FAM184A: variants seen among roughly 807,000 people sequenced by gnomAD.
The protein encoded by FAM184A is family with sequence similarity 184 member A.
A neutral mutation model predicts 143.8 loss-of-function variants in FAM184A; 99 were observed. The observed-to-expected ratio is 0.69, with a 90% CI of 0.58 to 0.81. The LOEUF (loss-of-function observed/expected upper bound fraction) is 0.81, where lower values mean the gene tolerates loss of function less well. FAM184A is among the 40% of genes least tolerant of loss of function. The pLI is 0.00. For synonymous variants in FAM184A, 427 were observed against 446.4 expected, an observed-to-expected ratio of 0.96 and a Z score of 0.55; for missense variants, 1,217 against 1,310.5, an observed-to-expected ratio of 0.93 and a Z score of 1.10.
At chr6:119,084,197 T>A (rs776070733) in intron 1 of FAM184A, among the ~76,000 whole-genome samples, 1 of 152,126 alleles carries the variant, frequency 6.6e-6, no homozygotes, top group Admixed American at 6.5e-5. Context: ...GTCCCCATGA[T>A]TCAATCACCT....
chr6:119,023,854 G>T, intron 2 of FAM184A, 105 bp downstream of exon 2: 22 of 753,220 alleles, frequency 2.9e-5, no homozygotes, highest in Non-Finnish European at 4.2e-5. Context: ...TCTAAGTGGT[G>T]TGAAGCCACT....
chr6:118,993,276 A>G (rs1784435182), intron 9 of FAM184A, among the ~76,000 whole-genome samples: 1 of 152,210 alleles, frequency 6.6e-6, no homozygotes, highest in Non-Finnish European at 1.5e-5. Context: ...GAATTCTATT[A>G]TTGAAGGATA....
intron 17 of FAM184A, among the ~76,000 whole-genome samples, chr6:118,961,492 T>A (rs1013867863): frequency 2.0e-5 from 3 of 151,872 alleles, no homozygotes; most frequent in African/African-American, 7.2e-5. Flanking sequence ...ATAAAGTAAT[T>A]GTGCATAATA....
intron 11 of FAM184A, among the ~76,000 whole-genome samples, 176 bp from the exon 12 acceptor site, chr6:118,976,220 C>T (rs6915914): frequency 0.18 from 27,096 of 152,078 alleles, 2,466 homozygotes; most frequent in South Asian, 0.21. Flanking sequence ...AATATACTAT[C>T]ATGAATTTAA....
Position 119,006,933 on chromosome 6 carries a change from T to C in FAM184A, c.1654-325A>G, listed in dbSNP as rs545829955. Among the ~76,000 whole-genome samples, 50 of 152,006 alleles carry C rather than the reference T, an allele frequency of 3.3e-4. No homozygotes were observed. In the Middle Eastern group the frequency reaches 0.01, roughly 31 times the overall value. ...GCAAGATAAAGATTATATAAAAGAG[T>C]AAAACAAAATTTTAGATAAAAATAT... On this transcript the variant is annotated intron_variant, in intron 6 of 17. Coordinates refer to ENST00000338891, the MANE Select transcript of FAM184A (RefSeq NM_024581.6).
intron 1 of FAM184A, among the ~76,000 whole-genome samples, chr6:119,138,593 C>CTTA (rs141615745): frequency 6.3e-4 from 94 of 148,174 alleles, no homozygotes; most frequent in Non-Finnish European, 1.1e-3. Context: ...CGCTCTTTCA[C>CTTA]TTATTATTAT....
chr6:119,053,951 ATAGT>A (rs1048613186), intron 1 of FAM184A, among the ~76,000 whole-genome samples: 5 of 152,222 alleles, frequency 3.3e-5, no homozygotes, highest in African/African-American at 1.2e-4. Flanking sequence ...GGCACTACAC[ATAGT>A]TTAATGAGAC....
intron 1 of FAM184A, among the ~76,000 whole-genome samples, chr6:119,064,640 G>T (rs1787377063): frequency 6.6e-6 from 1 of 152,088 alleles, no homozygotes; most frequent in African/African-American, 2.4e-5. Context: ...CAGGAGTTTG[G>T]AGCTGCAGTA....
At chr6:119,111,453 A>G (rs1313746632) in intron 1 of FAM184A, among the ~76,000 whole-genome samples, 1 of 152,222 alleles carries the variant, frequency 6.6e-6, no homozygotes. Flanking sequence ...TGATGGTTGC[A>G]CAAAAATGTG....
At chr6:119,023,394 A>G (rs1785516081) in intron 2 of FAM184A, among the ~76,000 whole-genome samples, 1 of 152,092 alleles carries the variant, frequency 6.6e-6, no homozygotes, top group African/African-American at 2.4e-5. Flanking sequence ...CTTGTGCAAT[A>G]CCCCTATTAA....
chr6:119,095,643 C>T (rs931438828), intron 1 of FAM184A, among the ~76,000 whole-genome samples: 1 of 152,104 alleles, frequency 6.6e-6, no homozygotes, highest in African/African-American at 2.4e-5. Context: ...ACTGCAGCCT[C>T]GAACACTTGG....
intron 9 of FAM184A, among the ~76,000 whole-genome samples, chr6:118,982,762 T>G (rs1454969163): frequency 6.6e-6 from 1 of 152,232 alleles, no homozygotes; most frequent in East Asian, 1.9e-4. Context: ...ACGTTTGACC[T>G]ATTAACAGAT....
intron 9 of FAM184A, among the ~76,000 whole-genome samples, chr6:118,994,892 A>G (rs1240542219): frequency 6.6e-6 from 1 of 152,134 alleles, no homozygotes; most frequent in Non-Finnish European, 1.5e-5. Flanking sequence ...AATAAAAAGC[A>G]CTACTAATGC....
At chr6:119,122,392 T>G (rs1165762882) in intron 1 of FAM184A, among the ~76,000 whole-genome samples, 1 of 152,178 alleles carries the variant, frequency 6.6e-6, no homozygotes, top group Non-Finnish European at 1.5e-5. Context: ...GGAGACTTTA[T>G]TTTTTACAAA....
intron 1 of FAM184A, among the ~76,000 whole-genome samples, chr6:119,094,035 TCTTC>T (rs1241630198): frequency 0.013 from 1,543 of 123,288 alleles, 17 homozygotes; most frequent in South Asian, 0.06. Flanking sequence ...TTCTTTCCTT[TCTTC>T]CTTCCTTCCT....
At chr6:119,007,434 G>A (rs794261) in intron 6 of FAM184A, among the ~76,000 whole-genome samples, 86,926 of 151,490 alleles carry the variant, frequency 0.57, 25,278 homozygotes, top group East Asian at 0.76. Context: ...CCAAGTGCAC[G>A]GCCTTCCTGT....
In FAM184A at chr6:119,067,613, A is replaced by C. The variant is rs2114780430; in HGVS notation, c.159+10528T>G. Among the ~76,000 whole-genome samples the C allele has an allele frequency of 2.0e-5, 3 of 152,346 alleles. No individual in the cohort carries two copies. In the Middle Eastern group the frequency reaches 0.01, roughly 518 times the overall value. ...TATTTTAAAAGGTGTTTTAAACAGA[A>C]ACACACATAAAACAAGGTTATACAT... On this transcript the variant is annotated intron_variant, in intron 1 of 17. Coordinates refer to ENST00000338891, the MANE Select transcript of FAM184A (RefSeq NM_024581.6).
intron 1 of FAM184A, among the ~76,000 whole-genome samples, chr6:119,048,332 C>A (rs144984514): frequency 1.1e-4 from 17 of 152,320 alleles, no homozygotes; most frequent in African/African-American, 4.1e-4. Context: ...GACAAGGATG[C>A]CCTCTCTCAC....
intron 1 of FAM184A, among the ~76,000 whole-genome samples, chr6:119,112,201 G>A (rs1371345867): frequency 1.3e-5 from 2 of 150,914 alleles, no homozygotes; most frequent in Non-Finnish European, 2.9e-5. Flanking sequence ...GCGCAATCTC[G>A]GCTCATCACA....
Sources: gnomAD v4.1 joint callset for allele counts (sites outside exome capture counted in the v4.1 genomes callset) on GRCh38, gnomAD v4.1.1 for gene constraint, MANE v1.5 for transcripts, NCBI Gene and HGNC (gene_info 2026-07-23, HGNC 2026-07-21) for gene names.